The following CACNA1C variants were observed in gnomAD, a reference collection of about 807,000 sequenced individuals.
CACNA1C encodes voltage-dependent L-type calcium channel subunit alpha-1C.
A neutral mutation model predicts 229.0 loss-of-function variants in CACNA1C; 30 were observed. That is an observed-to-expected ratio of 0.13 (90% CI 0.10 to 0.18). The LOEUF (loss-of-function observed/expected upper bound fraction) is 0.18, where lower values mean the gene tolerates loss of function less well. CACNA1C is among the 10% of genes least tolerant of loss of function. The probability of loss-of-function intolerance (pLI) is 1.00; values close to 1 mark genes in which losing one functional copy is unlikely to be tolerated. For synonymous variants in CACNA1C, 1,114 were observed against 1,132.5 expected, an observed-to-expected ratio of 0.98 and a Z score of 0.33; for missense variants, 1,658 against 2,845.0, an observed-to-expected ratio of 0.58 and a Z score of 9.49.
intron 1 of CACNA1C, among the ~76,000 whole-genome samples, chr12:2,000,056 C>T (rs74059693): frequency 6.6e-6 from 1 of 152,152 alleles, no homozygotes; most frequent in Non-Finnish European, 1.5e-5. Context: ...TACACCCAAA[C>T]CACCAAAGTA....
intron 3 of CACNA1C, among the ~76,000 whole-genome samples, chr12:2,421,737 C>T (rs767641067): frequency 3.9e-5 from 6 of 152,062 alleles, no homozygotes; most frequent in Non-Finnish European, 7.4e-5. Context: ...ATGGTGAAAC[C>T]CTGTCTCTAC....
intron 3 of CACNA1C, among the ~76,000 whole-genome samples, chr12:2,265,476 G>A (rs1192996023): frequency 2.6e-5 from 4 of 152,156 alleles, no homozygotes; most frequent in Non-Finnish European, 5.9e-5. Flanking sequence ...TGGGGGGCTG[G>A]AACGTTGGCA....
intron 29 of CACNA1C, among the ~76,000 whole-genome samples, chr12:2,616,642 ACT>A (rs1443348357): frequency 1.6e-4 from 24 of 152,112 alleles, no homozygotes; most frequent in Admixed American, 8.5e-4. Flanking sequence ...GCACCCAGAC[ACT>A]CTTTTCCACA....
chr12:2,439,169 G>T (rs1050205101), intron 3 of CACNA1C, among the ~76,000 whole-genome samples: 1 of 152,210 alleles, frequency 6.6e-6, no homozygotes, highest in Non-Finnish European at 1.5e-5. Flanking sequence ...GACAGCCCTG[G>T]GATAGAGGAG....
intron 9 of CACNA1C, among the ~76,000 whole-genome samples, chr12:2,525,157 A>C (rs2099816450): frequency 6.6e-6 from 1 of 152,014 alleles, no homozygotes; most frequent in African/African-American, 2.4e-5. Context: ...GTTAAGGAGG[A>C]GCCACCGAAG....
chr12:2,471,396 C>T (rs1241693710), intron 5 of CACNA1C, among the ~76,000 whole-genome samples: 2 of 152,128 alleles, frequency 1.3e-5, no homozygotes, highest in Non-Finnish European at 2.9e-5. Flanking sequence ...TATTTACCTA[C>T]TTATTTACTG....
chr12:2,124,516 C>T (rs1296961295), intron 3 of CACNA1C, among the ~76,000 whole-genome samples: 2 of 152,142 alleles, frequency 1.3e-5, no homozygotes, highest in African/African-American at 2.4e-5. Flanking sequence ...AACTGTTGGA[C>T]TTAACTGCAG....
chr12:2,358,689 G>A (rs1317748860), intron 3 of CACNA1C, among the ~76,000 whole-genome samples: 2 of 152,142 alleles, frequency 1.3e-5, no homozygotes, highest in Non-Finnish European at 2.9e-5. Context: ...AACCGCAAGC[G>A]GTGGGCAGTT....
At position 1,978,096 on chromosome 12, in the gene CACNA1C, G is replaced by A. The variant is rs550892622; in HGVS notation, c.139+6895G>A. On this transcript the variant is annotated intron_variant, in intron 1 of 46. Transcript: ENST00000682462. ...TCCTTCCACTCAGGAAAAATATTAA[G>A]TTATACGGTTTCCATATTTTTGGCA... 3.0e-4 allele frequency among the ~76,000 whole-genome samples: 45 copies of A among 152,276 alleles called. No individual in the cohort carries two copies. In the South Asian group the frequency reaches 9.3e-3, roughly 32 times the overall value.
intron 3 of CACNA1C, among the ~76,000 whole-genome samples, chr12:2,250,296 C>T (rs2075127149): frequency 6.6e-6 from 1 of 152,218 alleles, no homozygotes; most frequent in Non-Finnish European, 1.5e-5. Flanking sequence ...GGCCGTTCAC[C>T]TCCCAGCACC....
intron 1 of CACNA1C, among the ~76,000 whole-genome samples, chr12:2,071,281 G>C (rs2061252558): frequency 6.6e-6 from 1 of 150,386 alleles, no homozygotes; most frequent in African/African-American, 2.5e-5. Flanking sequence ...AGCACAGTGA[G>C]TACTTGGCTC....
chr12:2,378,624 G>A (rs1430348959), intron 3 of CACNA1C, among the ~76,000 whole-genome samples: 1 of 152,220 alleles, frequency 6.6e-6, no homozygotes. Context: ...GGTCTACTTT[G>A]TATTGTCATC....
At chr12:2,199,453 T>G (rs2097522905) in intron 3 of CACNA1C, among the ~76,000 whole-genome samples, 1 of 152,178 alleles carries the variant, frequency 6.6e-6, no homozygotes, top group African/African-American at 2.4e-5. Context: ...AGGATTTTCT[T>G]AATATATTCT....
At position 2,610,282 on chromosome 12, in the gene CACNA1C, C is replaced by T. The variant is rs115763383; in HGVS notation, c.3559-259C>T. ...AGGGTGAGGAAAGGAGGTGTATGGT[C>T]CCTGCCTAGGACCTTGTTACGGGGA... On this transcript the variant is annotated intron_variant, in intron 27 of 46. Transcript: ENST00000399655. Among the ~76,000 whole-genome samples the T allele has an allele frequency of 8.6e-3, 1,310 of 152,256 alleles. 15 individuals carry two copies. The highest frequency in any genetic ancestry group is 0.028 in the African/African-American group (1,173 of 41,536).
At chr12:2,611,550 C>G (rs12320580) in intron 28 of CACNA1C, among the ~76,000 whole-genome samples, 2 of 151,090 alleles carry the variant, frequency 1.3e-5, no homozygotes, top group South Asian at 4.2e-4. Flanking sequence ...ATGAGCTGGA[C>G]GCATTCGTTG....
chr12:2,315,337 G>A (rs1015411858), intron 3 of CACNA1C, among the ~76,000 whole-genome samples: 6 of 152,200 alleles, frequency 3.9e-5, no homozygotes, highest in Admixed American at 3.3e-4. Context: ...ATCTGGGCAC[G>A]AGAGAGAGAT....
chr12:2,576,572 G>T (rs376827057), intron 13 of CACNA1C, among the ~76,000 whole-genome samples: 3 of 152,322 alleles, frequency 2.0e-5, no homozygotes, highest in Admixed American at 6.5e-5. Flanking sequence ...AGCTTCAGCT[G>T]ATTGTGAATG....
Position 2,486,612 on chromosome 12 carries a change from C to T in CACNA1C, c.916+350C>T, listed in dbSNP as rs748763084. ...TTAAGAATCAGAGCTGACCTGGGGT[C>T]GTCAGTCTCTGCTCCTTCCATGCTT... On this transcript the variant is annotated intron_variant, in intron 6 of 46. Coordinates refer to ENST00000399655, the MANE Select transcript of CACNA1C (RefSeq NM_000719.7). The surrounding 1 kb of genome is among the most constrained non-coding windows in gnomAD (Gnocchi z 4.9). 1.4e-4 allele frequency among the ~76,000 whole-genome samples: 22 copies of T among 152,204 alleles called. No homozygotes were observed. The highest frequency in any genetic ancestry group is 2.8e-4 in the Non-Finnish European group (19 of 68,034).
chr12:2,312,160 C>G (rs190802540), intron 3 of CACNA1C, among the ~76,000 whole-genome samples: 7 of 152,274 alleles, frequency 4.6e-5, no homozygotes, highest in African/African-American at 1.7e-4. Flanking sequence ...CACACCCGCT[C>G]CGAGTTTGTT....
Sources: gnomAD v4.1 joint callset for allele counts (sites outside exome capture counted in the v4.1 genomes callset) on GRCh38, gnomAD v4.1.1 for gene constraint, Gnocchi (gnomAD v3.1) non-coding constraint, MANE v1.5 for transcripts, NCBI Gene and HGNC (gene_info 2026-07-23, HGNC 2026-07-21) for gene names.